Variants in VCAN observed in about 807,000 individuals in gnomAD.
VCAN encodes versican, also known as versican core protein.
In VCAN, 44 loss-of-function variants were observed where a neutral mutation model predicts 245.5. That is an observed-to-expected ratio of 0.18 (90% CI 0.14 to 0.23). VCAN has a LOEUF of 0.23. Among genes scored for constraint, VCAN ranks in the 10% least tolerant of loss-of-function variants. VCAN has a pLI of 1.00. For synonymous variants in VCAN, 1,413 were observed against 1,437.0 expected, an observed-to-expected ratio of 0.98 and a Z score of 0.38; for missense variants, 3,793 against 4,057.9, an observed-to-expected ratio of 0.93 and a Z score of 1.77.
In VCAN at chr5:83,567,626, C is replaced by G. The variant is rs150135255; in HGVS notation, c.9736-4790C>G. ...CTCTTTGATTTTTATGTCACAATTT[C>G]CTCTGCCATCAGAAGAGAGTGAAAA... On this transcript the variant is annotated intron_variant, in intron 12 of 14. Coordinates refer to ENST00000265077, the MANE Select transcript of VCAN (RefSeq NM_004385.5). Among the ~76,000 whole-genome samples the G allele has an allele frequency of 3.8e-4, 58 of 152,242 alleles. 1 individual carries two copies. The highest frequency in any genetic ancestry group is 1.2e-3 in the African/African-American group (51 of 41,552).
intron 12 of VCAN, among the ~76,000 whole-genome samples, chr5:83,565,154 C>T (rs758401444): frequency 7.2e-5 from 11 of 152,032 alleles, no homozygotes; most frequent in Non-Finnish European, 1.6e-4. Flanking sequence ...TGAACTGTAC[C>T]CAATGACTGG....
At position 83,538,309 on chromosome 5, in the gene VCAN, C is replaced by G; in HGVS notation, c.5306C>G (p.Thr1769Ser). 6.2e-7 allele frequency: 1 copy of G among 1,613,970 alleles called. No individual in the cohort carries two copies. Among genetic ancestry groups the G allele is most frequent in the East Asian group, 2.2e-5 (1 of 44,852 alleles). Residue 1769 changes from threonine (T) to serine (S), a missense_variant, in exon 8 of 15, where the codon ACC becomes AGC. Physicochemically the swap from Thr to Ser is moderately conservative, Grantham distance 58 (BLOSUM62 1). Coordinates refer to ENST00000265077, the MANE Select transcript of VCAN (RefSeq NM_004385.5). The stretch of plus-strand genomic sequence containing the variant: ...GTAGCTACATCTAGTGATTCAGGTA[C>G]CAGGAAAAGTTTTATGTCCTTGACA... ...PNVATSSDSG[T>S]RKSFMSLTTP...
At chr5:83,552,513 T>A (rs896340421) in intron 10 of VCAN, among the ~76,000 whole-genome samples, 4 of 152,204 alleles carry the variant, frequency 2.6e-5, no homozygotes, top group Admixed American at 1.3e-4. Context: ...AATGCCACTT[T>A]CTTGTGGAAT....
rs1039487649 is a variant in VCAN, at chr5:83,532,686, C to A, written c.4004-4321C>A. Among the ~76,000 whole-genome samples the A allele has an allele frequency of 3.3e-5, 5 of 151,854 alleles. No homozygotes were observed. In the East Asian group the frequency reaches 9.7e-4, roughly 29 times the overall value. On this transcript the variant is annotated intron_variant, in intron 7 of 14. Coordinates refer to ENST00000265077, the MANE Select transcript of VCAN (RefSeq NM_004385.5). ...CTGTAATGGTACCCCTGCACTCTAGCCTGGGTAACAGATCAACAACCTGTC... is the reference window on the plus strand; with the variant it reads ...CTGTAATGGTACCCCTGCACTCTAGACTGGGTAACAGATCAACAACCTGTC...
At chr5:83,564,681 G>GTT (rs71605860) in intron 12 of VCAN, among the ~76,000 whole-genome samples, 15 of 103,012 alleles carry the variant, frequency 1.5e-4, no homozygotes, top group African/African-American at 3.3e-4. Flanking sequence ...TTTTTTAGAT[G>GTT]TTTTTTTTTT....
Position 83,542,116 on chromosome 5 carries a change from T to C in VCAN, c.9113T>C (p.Leu3038Pro). 1.2e-6 allele frequency: 2 copies of C among 1,614,128 alleles called. No homozygotes were observed. The highest frequency in any genetic ancestry group is 1.3e-5 in the African/African-American group (1 of 75,042). Reference protein sequence around the residue: ...ASEQQVAARILDSNDQATVNP... With the variant: ...ASEQQVAARIPDSNDQATVNP... ...GAACAGCAAGTGGCAGCGAGAATTC[T>C]TGATTCCAATGATCAGGCAACAGTA... The change falls in exon 8 of 15, where the codon CTT becomes CCT. Residue 3038 changes from leucine to proline, a missense_variant. By Grantham distance (98) the Leu-to-Pro change is moderately conservative. Coordinates refer to ENST00000265077, the MANE Select transcript of VCAN (RefSeq NM_004385.5).
At chr5:83,561,077 A>G (rs1037146136) in intron 12 of VCAN, among the ~76,000 whole-genome samples, 20 of 152,298 alleles carry the variant, frequency 1.3e-4, no homozygotes, top group Non-Finnish European at 2.9e-4. Context: ...ATTTTAAAAA[A>G]CATTTTCTGC....
intron 12 of VCAN, among the ~76,000 whole-genome samples, chr5:83,571,791 C>T (rs1748300932): frequency 6.6e-6 from 1 of 152,112 alleles, no homozygotes; most frequent in African/African-American, 2.4e-5. Context: ...ATAAGAATCA[C>T]ATCTAAAACA....
Position 83,520,518 on chromosome 5 carries a change from G to A in VCAN, c.2212G>A (p.Glu738Lys). Residue 738 changes from glutamate (E) to lysine (K), a missense_variant, in exon 7 of 15, where the codon GAG becomes AAG. Glu to Lys is a moderately conservative substitution (Grantham distance 56). Around this residue, in one of 5 missense-constraint regions of VCAN, gnomAD observed 3,182 missense variants for 3,250.3 expected, o/e 0.98. Coordinates refer to ENST00000265077, the MANE Select transcript of VCAN (RefSeq NM_004385.5). ...TSLSEPIHVT[E>K]SSVEMTKSFD... Reference sequence around the variant, plus strand: ...TCTCTCAGAGCCAATTCATGTTACAGAGTCTTCTGTGGAAATGACCAAGTC... The same window carrying A: ...TCTCTCAGAGCCAATTCATGTTACAAAGTCTTCTGTGGAAATGACCAAGTC... 2 of 1,614,030 alleles carry A rather than the reference G, an allele frequency of 1.2e-6. No homozygotes were observed. Among genetic ancestry groups the A allele is most frequent in the South Asian group, 2.2e-5 (2 of 91,074 alleles).
At chr5:83,547,614 G>GCT (rs1747282488) in intron 9 of VCAN, among the ~76,000 whole-genome samples, 2 of 152,072 alleles carry the variant, frequency 1.3e-5, no homozygotes, top group African/African-American at 2.4e-5. Flanking sequence ...AGGTGGGAAG[G>GCT]CTGGGGCTGT....
At chr5:83,524,004 T>C (rs533691843) in intron 7 of VCAN, among the ~76,000 whole-genome samples, 4 of 152,296 alleles carry the variant, frequency 2.6e-5, no homozygotes, top group African/African-American at 7.2e-5. Context: ...TGTTTTTCAA[T>C]TGATACTACT....
chr5:83,512,690 T>C, intron 6 of VCAN: 1 of 278,266 alleles, frequency 3.6e-6, no homozygotes, highest in Non-Finnish European at 6.8e-6. Context: ...TTATATTAAT[T>C]GCAGTCCTTA....
Position 83,580,355 on chromosome 5 carries a change from C to A in VCAN, c.10112C>A (p.Ser3371Ter). ...TCTATGAAATACTTTAAAAATTCCTCATCAGCAAAGGACAATTCAATAAAT... is the reference window on the plus strand; with the variant it reads ...TCTATGAAATACTTTAAAAATTCCTAATCAGCAAAGGACAATTCAATAAAT... ...TYSMKYFKNSSSAKDNSINTS... is the reference protein window; with the variant it reads ...TYSMKYFKNS The change falls in exon 15 of 15, where the codon TCA becomes TAA. Residue 3371 changes from serine to a stop codon, truncating the protein, a stop_gained. Coordinates refer to ENST00000265077, the MANE Select transcript of VCAN (RefSeq NM_004385.5). LOFTEE classifies it high-confidence loss of function. 6.2e-7 allele frequency: 1 copy of A among 1,613,948 alleles called. No homozygotes were observed. Among genetic ancestry groups the A allele is most frequent in the Non-Finnish European group, 8.5e-7 (1 of 1,179,960 alleles).
intron 12 of VCAN, among the ~76,000 whole-genome samples, chr5:83,559,091 C>A (rs944005902): frequency 7.9e-5 from 12 of 152,258 alleles, no homozygotes; most frequent in Non-Finnish European, 1.5e-4. Flanking sequence ...TAACAAATAA[C>A]TTCACTAATG....
chr5:83,515,848 C>G lies in VCAN; in HGVS notation c.1042+3452C>G, dbSNP rs540834913. Among the ~76,000 whole-genome samples, 6 of 152,320 alleles carry G rather than the reference C, an allele frequency of 3.9e-5. No individual in the cohort carries two copies. The South Asian group carries it at 1.2e-3, about 32-fold the overall frequency. ...CATAATCTGACCACATGTGCCAAAA[C>G]TAACCTTTCCCCGATTGGTATATTA... On this transcript the variant is annotated intron_variant, in intron 6 of 14. Transcript: ENST00000265077.
At chr5:83,496,371 T>C (rs1384495004) in intron 5 of VCAN, among the ~76,000 whole-genome samples, 1 of 152,252 alleles carries the variant, frequency 6.6e-6, no homozygotes, top group African/African-American at 2.4e-5. Flanking sequence ...TCTACATACT[T>C]GGTGACTGAA....
Position 83,520,799 on chromosome 5 carries a change from C to A in VCAN, c.2493C>A (p.Leu831=). The stretch of plus-strand genomic sequence containing the variant: ...CTTCAAAATTGCCCCCTGCCTTACT[C>A]ACAACTGTGGGGATGAATGGAAAGG... The part of the protein sequence containing the change: ...SASSKLPPAL[L]TTVGMNGKDK... The change falls in exon 7 of 15, where the codon CTC becomes CTA. Residue 831 remains leucine, a synonymous_variant. Coordinates refer to ENST00000265077, the MANE Select transcript of VCAN (RefSeq NM_004385.5). The A allele has an allele frequency of 1.2e-6, 2 of 1,614,116 alleles. No individual in the cohort carries two copies. Among genetic ancestry groups the A allele is most frequent in the Non-Finnish European group, 1.7e-6 (2 of 1,179,984 alleles).
intron 12 of VCAN, 87 bp from the exon 13 acceptor site, chr5:83,572,329 T>A: frequency 6.6e-7 from 1 of 1,504,112 alleles, no homozygotes; most frequent in Non-Finnish European, 9.2e-7. Flanking sequence ...TTGAGTCTAT[T>A]CCAATTAGAT....
intron 10 of VCAN, among the ~76,000 whole-genome samples, chr5:83,548,334 T>G (rs1280725386): frequency 6.6e-6 from 1 of 152,180 alleles, no homozygotes; most frequent in Non-Finnish European, 1.5e-5. Context: ...TATTATCGTA[T>G]GTATTTTTCT....
Sources: gnomAD v4.1 joint callset for allele counts (sites outside exome capture counted in the v4.1 genomes callset) on GRCh38, gnomAD v4.1.1 for gene constraint, gnomAD v4.1.1 regional missense constraint, MANE v1.5 for transcripts, NCBI Gene and HGNC (gene_info 2026-07-23, HGNC 2026-07-21) for gene names.